Variants in COLEC11 observed in about 807,000 individuals in gnomAD.
COLEC11 encodes collectin-11.
A neutral mutation model predicts 27.3 loss-of-function variants in COLEC11; 20 were observed. The ratio of observed to expected loss-of-function variants is 0.73; its 90% CI spans 0.51 to 1.06. The LOEUF is 1.06. COLEC11 is among the 50% of genes least tolerant of loss of function. COLEC11 has a pLI of 0.00. For synonymous variants in COLEC11, 163 were observed against 154.7 expected, an observed-to-expected ratio of 1.05 and a Z score of -0.40; for missense variants, 310 against 383.0, an observed-to-expected ratio of 0.81 and a Z score of 1.59.
chr2:3,615,931 T>G (rs1663675106), intron 3 of COLEC11, among the ~76,000 whole-genome samples: 1 of 94,466 alleles, frequency 1.1e-5, no homozygotes, highest in Non-Finnish European at 2.7e-5. Flanking sequence ...ACGGGGGGGC[T>G]GCCGGGTGGA....
At chr2:3,605,677 C>A in intron 2 of COLEC11, 1 of 198,922 alleles carries the variant, frequency 5.0e-6, no homozygotes, top group South Asian at 8.0e-5. Context: ...CCGCTTGGGC[C>A]TTCAGCTTCT....
chr2:3,604,211 C>A, intron 1 of COLEC11, 104 bp from the exon 2 acceptor site: 1 of 1,281,274 alleles, frequency 7.8e-7, no homozygotes, highest in Non-Finnish European at 1.1e-6. Flanking sequence ...ACAGCCCTTC[C>A]AGGCACCAGG....
chr2:3,616,006 GC>G (rs1232812177), intron 3 of COLEC11, among the ~76,000 whole-genome samples: 17 of 151,546 alleles, frequency 1.1e-4, no homozygotes, highest in African/African-American at 3.6e-4. Flanking sequence ...CTCAGACGGG[GC>G]GGCTGCCCGG....
At chr2:3,639,553 G>T (rs1665692440) in intron 4 of COLEC11, among the ~76,000 whole-genome samples, 1 of 152,214 alleles carries the variant, frequency 6.6e-6, no homozygotes, top group Admixed American at 6.5e-5. Flanking sequence ...TTTCTCAGAG[G>T]CATTTGGGGC....
intron 3 of COLEC11, among the ~76,000 whole-genome samples, chr2:3,632,026 G>A (rs1361655322): frequency 2.6e-5 from 4 of 152,204 alleles, no homozygotes; most frequent in African/African-American, 4.8e-5. Context: ...GGAGTCAGGA[G>A]GCCTTGGTCT....
At chr2:3,601,891 G>C (rs2147848416) in intron 1 of COLEC11, 1 of 152,336 alleles carries the variant, frequency 6.6e-6, no homozygotes, top group African/African-American at 2.4e-5. Flanking sequence ...GTGACCATTG[G>C]AGGCGATTTT....
At chr2:3,639,048 T>A (rs1351788588) in intron 4 of COLEC11, among the ~76,000 whole-genome samples, 1 of 152,258 alleles carries the variant, frequency 6.6e-6, no homozygotes, top group African/African-American at 2.4e-5. Context: ...TTCACATATG[T>A]GGAATAACAA....
In COLEC11 at chr2:3,644,526, C is replaced by T. The variant is rs1273906593; in HGVS notation, c.*408C>T. On this transcript the variant is annotated 3_prime_UTR_variant, in exon 7 of 7. Transcript: ENST00000349077. ...ATGGAAAAGAACTCACTTTGACCAA[C>T]ACTTCTGTAAATTACATTACAATAT... 2 of 460,744 alleles carry T rather than the reference C, an allele frequency of 4.3e-6. No homozygotes were observed. Among genetic ancestry groups the T allele is most frequent in the Admixed American group, 4.7e-5 (2 of 42,168 alleles). The allele number at this position is 460,744 out of a possible 1,614,324, so 28.5% of individuals were successfully genotyped here. A position where few individuals can be genotyped will look rare whatever the true frequency, so the allele number is the denominator to read the frequency against.
At chr2:3,641,765 A>C (rs940418541) in intron 5 of COLEC11, among the ~76,000 whole-genome samples, 1 of 152,172 alleles carries the variant, frequency 6.6e-6, no homozygotes, top group Non-Finnish European at 1.5e-5. Flanking sequence ...TTTGGGCTCT[A>C]CGTGATTGCC....
At chr2:3,612,180 G>A (rs912874003) in intron 2 of COLEC11, among the ~76,000 whole-genome samples, 7 of 152,128 alleles carry the variant, frequency 4.6e-5, no homozygotes, top group Middle Eastern at 3.4e-3. Context: ...GCGCACACAC[G>A]CGCACACATA....
intron 1 of COLEC11, among the ~76,000 whole-genome samples, chr2:3,597,675 A>G (rs1478358245): frequency 4.8e-5 from 6 of 125,030 alleles, no homozygotes; most frequent in African/African-American, 1.2e-4. Context: ...CTGAGACATT[A>G]AAAAAAAAAA....
At chr2:3,599,928 T>C (rs1200741109) in intron 1 of COLEC11, among the ~76,000 whole-genome samples, 3 of 152,196 alleles carry the variant, frequency 2.0e-5, no homozygotes, top group African/African-American at 4.8e-5. Flanking sequence ...GATACTGTGC[T>C]GTGATATCTT....
chr2:3,631,655 G>A (rs991747280), intron 3 of COLEC11, among the ~76,000 whole-genome samples: 4 of 151,840 alleles, frequency 2.6e-5, no homozygotes, highest in Admixed American at 1.3e-4. Context: ...GCTTGGTCAC[G>A]GCTGACACAG....
In COLEC11 at chr2:3,604,489, CT is replaced by C. The variant is rs756383714; in HGVS notation, c.130+20del. On this transcript the variant is annotated intron_variant, in intron 2 of 6. Transcript: ENST00000349077. ...CTCAAAGGTAACCGCTCCCTGGACT[CT>C]GGGCTGCTGGGCAGTGGCCTCCGGG... The C allele has an allele frequency of 1.2e-5, 20 of 1,613,456 alleles. No homozygotes were observed. Among genetic ancestry groups the C allele is most frequent in the Non-Finnish European group, 1.7e-5 (20 of 1,179,974 alleles).
intron 3 of COLEC11, among the ~76,000 whole-genome samples, chr2:3,636,105 A>G (rs1301562672): frequency 6.6e-6 from 1 of 152,220 alleles, no homozygotes. Flanking sequence ...CCTTGGTTCT[A>G]AGGAGGCAGG....
rs546504272 is a variant in COLEC11, at chr2:3,605,742, A to G, written c.130+1272A>G. The G allele has an allele frequency of 8.5e-5, 19 of 223,636 alleles. No individual in the cohort carries two copies. In the South Asian group the frequency reaches 1.2e-3, roughly 15 times the overall value. 13.9% of individuals were successfully genotyped at this position (223,636 alleles called of 1,614,324 possible). A position where few individuals can be genotyped will look rare whatever the true frequency, so the allele number is the denominator to read the frequency against. ...GAAACATTAGAGAAAAGTAGATTCAAACCCATGATCAAAACAGTCACCACG... is the reference window on the plus strand; with the variant it reads ...GAAACATTAGAGAAAAGTAGATTCAGACCCATGATCAAAACAGTCACCACG... On this transcript the variant is annotated intron_variant, in intron 2 of 6. Coordinates refer to ENST00000349077, the MANE Select transcript of COLEC11 (RefSeq NM_024027.5).
At chr2:3,626,348 C>T (rs778291231) in intron 3 of COLEC11, among the ~76,000 whole-genome samples, 1 of 152,214 alleles carries the variant, frequency 6.6e-6, no homozygotes, top group Non-Finnish European at 1.5e-5. Flanking sequence ...ATCGTGGCTC[C>T]ACCACCTGTC....
intron 1 of COLEC11, chr2:3,603,904 C>G: frequency 1.7e-6 from 1 of 586,824 alleles, no homozygotes; most frequent in Non-Finnish European, 3.0e-6. Context: ...TTGGCTGTTT[C>G]CTTTAGCTGT....
At chr2:3,607,785 T>G (rs1662849442) in intron 2 of COLEC11, among the ~76,000 whole-genome samples, 2 of 152,218 alleles carry the variant, frequency 1.3e-5, no homozygotes, top group Non-Finnish European at 2.9e-5. Context: ...CTGCCATTCT[T>G]TAAAACAACA....
Sources: gnomAD v4.1 joint callset for allele counts (sites outside exome capture counted in the v4.1 genomes callset) on GRCh38, gnomAD v4.1.1 for gene constraint, MANE v1.5 for transcripts, NCBI Gene and HGNC (gene_info 2026-07-23, HGNC 2026-07-21) for gene names.